The following PCDHGA12 variants were observed in gnomAD, a reference collection of about 807,000 sequenced individuals.
The protein encoded by PCDHGA12 is protocadherin gamma subfamily A, 12.
In PCDHGA12, 43 loss-of-function variants were observed where a neutral mutation model predicts 61.1. The observed-to-expected ratio is 0.70, with a 90% CI of 0.55 to 0.91. The LOEUF (loss-of-function observed/expected upper bound fraction) is 0.91, where lower values mean the gene tolerates loss of function less well. Ranked by LOEUF, PCDHGA12 falls within the 40% of genes least tolerant of loss-of-function variation. The pLI, the probability that PCDHGA12 is intolerant of heterozygous loss-of-function variation, is 0.00. For synonymous variants in PCDHGA12, 520 were observed against 542.9 expected, an observed-to-expected ratio of 0.96 and a Z score of 0.59; for missense variants, 1,236 against 1,227.7, an observed-to-expected ratio of 1.01 and a Z score of -0.10.
intron 1 of PCDHGA12, among the ~76,000 whole-genome samples, chr5:141,455,028 G>A (rs2098810519): frequency 6.6e-6 from 1 of 150,780 alleles, no homozygotes; most frequent in Non-Finnish European, 1.5e-5. Flanking sequence ...TAGCCAGGAT[G>A]GTCTCGATCT....
At position 141,487,665 on chromosome 5, in the gene PCDHGA12, G is replaced by C. The variant is rs373971935; in HGVS notation, c.2425-7142G>C. 2.1e-5 allele frequency: 34 copies of C among 1,612,724 alleles called. No homozygotes were observed. In the South Asian group the frequency reaches 3.4e-4, roughly 16 times the overall value. ...ATGCTTGAGGGTTATTCTGATCCAG[G>C]CATATGGCTAGGCCATGTCCTAGAG... On this transcript the variant is annotated intron_variant, in intron 1 of 3. Transcript: ENST00000252085. The surrounding 1 kb of genome is among the most constrained non-coding windows in gnomAD (Gnocchi z 5.0).
chr5:141,456,285 G>T (rs2098848223), intron 1 of PCDHGA12, among the ~76,000 whole-genome samples: 1 of 152,134 alleles, frequency 6.6e-6, no homozygotes, highest in Non-Finnish European at 1.5e-5. Flanking sequence ...GCTGAAAAGG[G>T]GCGTCTAATG....
In PCDHGA12 at chr5:141,485,848, C is replaced by A; in HGVS notation, c.2425-8959C>A. The stretch of plus-strand genomic sequence containing the variant: ...GAGGGAACCCGCCGAGATCTGGCAC[C>A]GCAGAGCTCCGGGTATCCGTGCTGG... On this transcript the variant is annotated intron_variant, in intron 1 of 3. Transcript: ENST00000252085. This position sits in a 1 kb window ranked among gnomAD's most constrained non-coding sequence, Gnocchi z 5.7. 1 of 1,614,192 alleles carries A rather than the reference C, an allele frequency of 6.2e-7. No homozygotes were observed. The highest frequency in any genetic ancestry group is 8.5e-7 in the Non-Finnish European group (1 of 1,180,020).
intron 1 of PCDHGA12, among the ~76,000 whole-genome samples, chr5:141,471,995 TG>T: frequency 6.6e-6 from 1 of 152,322 alleles, no homozygotes; most frequent in East Asian, 1.9e-4. Context: ...TAAAAATCCC[TG>T]CATCGTATAG....
chr5:141,471,058 T>C (rs991869999), intron 1 of PCDHGA12, among the ~76,000 whole-genome samples: 2 of 149,826 alleles, frequency 1.3e-5, no homozygotes, highest in Non-Finnish European at 3.0e-5. Context: ...TTTTTTTTTT[T>C]TTTTTTTTGA....
intron 1 of PCDHGA12, among the ~76,000 whole-genome samples, chr5:141,482,800 G>A (rs10052648): frequency 7.6e-6 from 1 of 130,764 alleles, no homozygotes; most frequent in South Asian, 2.2e-4. Flanking sequence ...GGCCGGGTAC[G>A]GTGGCTCATG....
At chr5:141,460,569 T>C (rs1234392082) in intron 1 of PCDHGA12, among the ~76,000 whole-genome samples, 2 of 152,100 alleles carry the variant, frequency 1.3e-5, no homozygotes, top group Admixed American at 1.3e-4. Context: ...GCCATGGACA[T>C]ATGTAGGTGT....
At chr5:141,440,631 A>C (rs1036203175) in intron 1 of PCDHGA12, 2 of 152,224 alleles carry the variant, frequency 1.3e-5, no homozygotes, top group African/African-American at 4.8e-5. Flanking sequence ...ATGTTGAGAG[A>C]AATTCCTTAC....
chr5:141,476,264 G>T lies in PCDHGA12; in HGVS notation c.2425-18543G>T, dbSNP rs753184649. On this transcript the variant is annotated intron_variant, in intron 1 of 3. Coordinates refer to ENST00000252085, the MANE Select transcript of PCDHGA12 (RefSeq NM_003735.3). This position sits in a 1 kb window ranked among gnomAD's most constrained non-coding sequence, Gnocchi z 7.6. ...AGAGAAGGGTTTCGCTGTGGGCAAC[G>T]TGGTCGCGAACCTTGGTTTGGATCT... The T allele has an allele frequency of 5.0e-6, 8 of 1,613,964 alleles. No individual in the cohort carries two copies. In the African/African-American group the frequency reaches 8.0e-5, roughly 16 times the overall value.
At chr5:141,454,796 ATTTTTTTTTTTTTTTT>A (rs61612330) in intron 1 of PCDHGA12, among the ~76,000 whole-genome samples, 1 of 77,408 alleles carries the variant, frequency 1.3e-5, no homozygotes, top group East Asian at 4.0e-4. Flanking sequence ...CATGGTTCTA[ATTTTTTTTTTTTTTTT>A]TTTTTTTTTT....
In PCDHGA12 at chr5:141,477,074, A is replaced by G; in HGVS notation, c.2425-17733A>G. Reference sequence around the variant, plus strand: ...CTTCGAGGACACCAAACTCCATGAGATTTACATCCAGGCCAAAGACAAGGG... The same window carrying G: ...CTTCGAGGACACCAAACTCCATGAGGTTTACATCCAGGCCAAAGACAAGGG... On this transcript the variant is annotated intron_variant, in intron 1 of 3. Coordinates refer to ENST00000252085, the MANE Select transcript of PCDHGA12 (RefSeq NM_003735.3). This position sits in a 1 kb window ranked among gnomAD's most constrained non-coding sequence, Gnocchi z 4.9. 1 of 1,614,250 alleles carries G rather than the reference A, an allele frequency of 6.2e-7. No homozygotes were observed.
rs2099746025 is a variant in PCDHGA12 at position 141,493,066 on chromosome 5, T to C, written c.2425-1741T>C. On this transcript the variant is annotated intron_variant, in intron 1 of 3. Coordinates refer to ENST00000252085, the MANE Select transcript of PCDHGA12 (RefSeq NM_003735.3). This position sits in a 1 kb window ranked among gnomAD's most constrained non-coding sequence, Gnocchi z 4.3. ...AACTACAATAGTAAAAAACACAAGT[T>C]TCTCCAACTCCAGGAGCTTTTATTC... Among the ~76,000 whole-genome samples the C allele has an allele frequency of 6.6e-6, 1 of 152,202 alleles. No homozygotes were observed. Among genetic ancestry groups the C allele is most frequent in the East Asian group, 1.9e-4 (1 of 5,194 alleles).
chr5:141,458,165 A>T lies in PCDHGA12; in HGVS notation c.2424+24982A>T, dbSNP rs10075475. On this transcript the variant is annotated intron_variant, in intron 1 of 3. Coordinates refer to ENST00000252085, the MANE Select transcript of PCDHGA12 (RefSeq NM_003735.3). Reference sequence around the variant, plus strand: ...TGAACATGCTCCAAATTTTGTTCACAGTAGTATACCTTACTTGATTATTAA... The same window carrying T: ...TGAACATGCTCCAAATTTTGTTCACTGTAGTATACCTTACTTGATTATTAA... Among the ~76,000 whole-genome samples the T allele has an allele frequency of 2.4e-3, 368 of 152,356 alleles. 2 individuals carry two copies. The highest frequency in any genetic ancestry group is 8.5e-3 in the African/African-American group (354 of 41,588).
At chr5:141,448,359 CTTTA>C in intron 1 of PCDHGA12, among the ~76,000 whole-genome samples, 1 of 152,074 alleles carries the variant, frequency 6.6e-6, no homozygotes, top group East Asian at 1.9e-4. Context: ...TAGTAGTTTT[CTTTA>C]TTTTATTTTT....
chr5:141,459,300 A>T (rs954766370), intron 1 of PCDHGA12, among the ~76,000 whole-genome samples: 1 of 152,202 alleles, frequency 6.6e-6, no homozygotes, highest in Non-Finnish European at 1.5e-5. Flanking sequence ...ATCCTATAAC[A>T]TATACTATTT....
chr5:141,476,416 A>C lies in PCDHGA12; in HGVS notation c.2425-18391A>C, dbSNP rs2099391138. On this transcript the variant is annotated intron_variant, in intron 1 of 3. Coordinates refer to ENST00000252085, the MANE Select transcript of PCDHGA12 (RefSeq NM_003735.3). The surrounding 1 kb of genome is among the most constrained non-coding windows in gnomAD (Gnocchi z 7.6). ...TGGATCGAGAGGAGCTGTGTGGGACACTGCCCTCTTGCACTGTAACTCTGG... is the reference window on the plus strand; with the variant it reads ...TGGATCGAGAGGAGCTGTGTGGGACCCTGCCCTCTTGCACTGTAACTCTGG... 6.2e-7 allele frequency: 1 copy of C among 1,614,056 alleles called. No homozygotes were observed. The highest frequency in any genetic ancestry group is 8.5e-7 in the Non-Finnish European group (1 of 1,179,994).
At chr5:141,465,978 C>T (rs568961720) in intron 1 of PCDHGA12, among the ~76,000 whole-genome samples, 7 of 151,998 alleles carry the variant, frequency 4.6e-5, no homozygotes, top group South Asian at 2.1e-4. Context: ...AAAAATTAGC[C>T]GGGCATGGTG....
At position 141,432,172 on chromosome 5, in the gene PCDHGA12, C is replaced by A. The variant is rs562175068; in HGVS notation, c.1413C>A (p.Leu471=). ...IPENNPRGVS[L]VSVTAHDPDC... ...AGAACAATCCCAGAGGAGTTTCCCT[C>A]GTCTCTGTGACCGCCCACGACCCCG... The change falls in exon 1 of 4, where the codon CTC becomes CTA. Residue 471 remains leucine, a synonymous_variant. Coordinates refer to ENST00000252085, the MANE Select transcript of PCDHGA12 (RefSeq NM_003735.3). This position sits in a 1 kb window ranked among gnomAD's most constrained non-coding sequence, Gnocchi z 6.0. 5 of 1,614,152 alleles carry A rather than the reference C, an allele frequency of 3.1e-6. No homozygotes were observed. The South Asian group carries it at 4.4e-5, about 14-fold the overall frequency.
At chr5:141,482,901 A>G (rs192886570) in intron 1 of PCDHGA12, among the ~76,000 whole-genome samples, 1 of 152,122 alleles carries the variant, frequency 6.6e-6, no homozygotes, top group Admixed American at 6.6e-5. Context: ...GTGAAACCTC[A>G]TCTCTATTAA....
Sources: allele counts gnomAD v4.1 joint callset (sites outside exome capture counted in the v4.1 genomes callset), GRCh38; gene constraint gnomAD v4.1.1; non-coding constraint Gnocchi (gnomAD v3.1); transcripts MANE v1.5; gene names NCBI Gene and HGNC (gene_info 2026-07-23, HGNC 2026-07-21).